The following SPON1 variants were observed in gnomAD, a reference collection of about 807,000 sequenced individuals.
SPON1 encodes the protein spondin-1.
SPON1 carries 52 observed loss-of-function variants against 111.7 expected under a neutral mutation model. That is an observed-to-expected ratio of 0.47 (90% CI 0.37 to 0.59). The LOEUF is 0.59. Ranked by LOEUF, SPON1 falls within the 20% of genes least tolerant of loss-of-function variation. The pLI, the probability that SPON1 is intolerant of heterozygous loss-of-function variation, is 0.00. For missense variants in SPON1, 957 were observed against 1,068.5 expected (o/e 0.90, Z 1.46); for synonymous variants, 410 against 395.8 (o/e 1.04, Z -0.43).
intron 2 of SPON1, among the ~76,000 whole-genome samples, chr11:14,020,547 TG>T (rs1554914704): frequency 6.6e-6 from 1 of 152,234 alleles, no homozygotes; most frequent in African/African-American, 2.4e-5. Context: ...CCTTTAACTC[TG>T]AAATTTCACT....
At chr11:14,234,037 G>A (rs1848834441) in intron 6 of SPON1, among the ~76,000 whole-genome samples, 1 of 152,126 alleles carries the variant, frequency 6.6e-6, no homozygotes, top group Non-Finnish European at 1.5e-5. Context: ...TGGGATTACA[G>A]TGTGAGCCAA....
At chr11:14,227,151 A>G (rs555789233) in intron 6 of SPON1, among the ~76,000 whole-genome samples, 2 of 152,246 alleles carry the variant, frequency 1.3e-5, no homozygotes, top group Admixed American at 1.3e-4. Context: ...CCATGGCAAT[A>G]TTCGTTTCAT....
At chr11:13,987,862 A>G (rs1310238092) in intron 2 of SPON1, among the ~76,000 whole-genome samples, 2 of 152,190 alleles carry the variant, frequency 1.3e-5, no homozygotes, top group African/African-American at 4.8e-5. Flanking sequence ...AGATGGTTGT[A>G]GTTGTGTGGT....
At chr11:13,981,986 T>G (rs1848147911) in intron 1 of SPON1, among the ~76,000 whole-genome samples, 2 of 152,226 alleles carry the variant, frequency 1.3e-5, no homozygotes, top group African/African-American at 2.4e-5. Flanking sequence ...TCCGAGGTTT[T>G]GCTTTCTGTG....
intron 6 of SPON1, among the ~76,000 whole-genome samples, chr11:14,153,182 A>G (rs892475748): frequency 1.3e-5 from 2 of 152,226 alleles, no homozygotes; most frequent in Non-Finnish European, 1.5e-5. Flanking sequence ...ATATATTAGC[A>G]TTTAACATAC....
chr11:13,982,412 A>T (rs1848151446), intron 1 of SPON1, among the ~76,000 whole-genome samples: 1 of 152,216 alleles, frequency 6.6e-6, no homozygotes, highest in African/African-American at 2.4e-5. Context: ...GAAAAATGAA[A>T]TATGTTTTGA....
chr11:14,209,801 G>T (rs1167072354), intron 6 of SPON1, among the ~76,000 whole-genome samples: 2 of 152,148 alleles, frequency 1.3e-5, no homozygotes, highest in African/African-American at 2.4e-5. Flanking sequence ...GGGTCAAATG[G>T]TATTTCTAGT....
At chr11:14,005,689 T>C (rs1356760780) in intron 2 of SPON1, among the ~76,000 whole-genome samples, 2 of 151,360 alleles carry the variant, frequency 1.3e-5, no homozygotes, top group Non-Finnish European at 2.9e-5. Context: ...GCTGTAAAGA[T>C]GATCATTAGA....
chr11:13,970,993 G>T (rs946500998), intron 1 of SPON1, among the ~76,000 whole-genome samples: 1 of 152,104 alleles, frequency 6.6e-6, no homozygotes, highest in Admixed American at 6.5e-5. Flanking sequence ...ATCATTATTT[G>T]TTGAAAAAAA....
chr11:14,182,114 C>T (rs1024542331), intron 6 of SPON1, among the ~76,000 whole-genome samples: 2 of 152,146 alleles, frequency 1.3e-5, no homozygotes, highest in Non-Finnish European at 2.9e-5. Flanking sequence ...ATTTGCTCTC[C>T]TAAGTCTCCC....
Position 14,116,933 on chromosome 11 carries a change from A to G in SPON1, c.677-18487A>G, listed in dbSNP as rs189867737. ...GATAAGAAGTCTTGTTCACTTTTTC[A>G]TGAGATTTATTCCTGGGTATTATAT... On this transcript the variant is annotated intron_variant, in intron 5 of 15. Coordinates refer to ENST00000576479, the MANE Select transcript of SPON1 (RefSeq NM_006108.4). Among the ~76,000 whole-genome samples, 12 of 152,218 alleles carry G rather than the reference A, an allele frequency of 7.9e-5. No homozygotes were observed. In the East Asian group the frequency reaches 1.7e-3, roughly 22 times the overall value.
intron 5 of SPON1, among the ~76,000 whole-genome samples, chr11:14,085,930 C>T (rs1428967963): frequency 6.6e-6 from 1 of 152,084 alleles, no homozygotes; most frequent in Non-Finnish European, 1.5e-5. Context: ...GGAGTTCACT[C>T]ATGATTTGGC....
chr11:14,075,648 T>C (rs1448699408), intron 4 of SPON1, among the ~76,000 whole-genome samples: 1 of 152,202 alleles, frequency 6.6e-6, no homozygotes, highest in Non-Finnish European at 1.5e-5. Flanking sequence ...ATGTACCTTA[T>C]ATTGGTGTCG....
intron 6 of SPON1, among the ~76,000 whole-genome samples, chr11:14,193,581 G>GCA (rs1848370271): frequency 1.3e-5 from 2 of 152,136 alleles, no homozygotes; most frequent in Non-Finnish European, 1.5e-5. Flanking sequence ...CACATTCAAT[G>GCA]TCACTTTGTG....
intron 1 of SPON1, among the ~76,000 whole-genome samples, chr11:13,964,688 G>A (rs1256862936): frequency 6.6e-6 from 1 of 152,182 alleles, no homozygotes; most frequent in Admixed American, 6.5e-5. Flanking sequence ...CGCCCAGCCC[G>A]GGAGGGAGCG....
intron 14 of SPON1, 30 bp downstream of exon 14, chr11:14,260,782 A>C (rs1554941840): frequency 6.2e-7 from 1 of 1,600,830 alleles, no homozygotes; most frequent in Non-Finnish European, 8.5e-7. Context: ...AAGGCCCATC[A>C]CTTCTATGTT....
intron 1 of SPON1, among the ~76,000 whole-genome samples, chr11:13,967,954 A>G (rs1848032214): frequency 6.6e-6 from 1 of 152,250 alleles, no homozygotes; most frequent in Non-Finnish European, 1.5e-5. Context: ...AAAGCATATC[A>G]AAATGGAATT....
chr11:14,139,748 G>A (rs1847631657), intron 6 of SPON1, among the ~76,000 whole-genome samples: 1 of 148,946 alleles, frequency 6.7e-6, no homozygotes, highest in African/African-American at 2.5e-5. Context: ...AAACCAACAA[G>A]GGTGGTAGTG....
intron 6 of SPON1, among the ~76,000 whole-genome samples, chr11:14,145,202 G>T (rs1197239810): frequency 6.6e-6 from 1 of 152,238 alleles, no homozygotes; most frequent in Non-Finnish European, 1.5e-5. Context: ...CAAGCTGCCA[G>T]AGTGATTTCG....
Sources: allele counts gnomAD v4.1 joint callset (sites outside exome capture counted in the v4.1 genomes callset), GRCh38; gene constraint gnomAD v4.1.1; transcripts MANE v1.5; gene names NCBI Gene and HGNC (gene_info 2026-07-23, HGNC 2026-07-21).